Variants in FOXP1 observed in about 807,000 individuals in gnomAD.
The protein encoded by FOXP1 is forkhead box protein P1.
In FOXP1, 15 loss-of-function variants were observed where a neutral mutation model predicts 98.2. The ratio of observed to expected loss-of-function variants is 0.15; its 90% confidence interval spans 0.10 to 0.24. FOXP1 has a LOEUF of 0.24. Ranked by LOEUF, FOXP1 falls within the 10% of genes least tolerant of loss-of-function variation. FOXP1 has a pLI of 1.00. For missense variants in FOXP1, 633 were observed against 848.5 expected, an observed-to-expected ratio of 0.75 and a Z score of 3.15; for synonymous variants, 371 against 314.5, an observed-to-expected ratio of 1.18 and a Z score of -1.90.
chr3:71,240,321 G>C (rs1481348591), intron 5 of FOXP1, among the ~76,000 whole-genome samples: 1 of 152,242 alleles, frequency 6.6e-6, no homozygotes, highest in African/African-American at 2.4e-5. Context: ...TTGAATGGAA[G>C]GGCAGTGTAC....
In FOXP1 at chr3:71,001,127, A is replaced by G. The variant is rs1576029429; in HGVS notation, c.975-68T>C. The G allele has an allele frequency of 7.2e-6, 9 of 1,255,522 alleles. No individual in the cohort carries two copies. The East Asian group carries it at 2.1e-4, about 30-fold the overall frequency. The allele number at this position is 1,255,522 out of a possible 1,614,324, so 77.8% of individuals were successfully genotyped here. A position where few individuals can be genotyped will look rare whatever the true frequency, so the allele number is the denominator to read the frequency against. On this transcript the variant is annotated intron_variant, in intron 12 of 20. Coordinates refer to ENST00000649528, the MANE Select transcript of FOXP1 (RefSeq NM_001349338.3). Reference sequence around the variant, plus strand: ...AAAAAGGAAAATATAAGTTACCAGGATGTTTAAGCATAAACTAGGCAGCGG... The same window carrying G: ...AAAAAGGAAAATATAAGTTACCAGGGTGTTTAAGCATAAACTAGGCAGCGG...
chr3:71,439,229 G>T (rs961362206), intron 3 of FOXP1, among the ~76,000 whole-genome samples: 1 of 152,214 alleles, frequency 6.6e-6, no homozygotes, highest in Non-Finnish European at 1.5e-5. Context: ...CACGAGAGCT[G>T]CTCAGAACCC....
intron 5 of FOXP1, among the ~76,000 whole-genome samples, chr3:71,233,234 GGGAGGGAAGGGGAGA>G (rs1196835391): frequency 6.7e-6 from 1 of 148,526 alleles, no homozygotes; most frequent in Non-Finnish European, 1.5e-5. Context: ...GGCATGGGAG[GGGAGGGAAGGGGAGA>G]GGAGGGAAGG....
At chr3:71,011,684 T>TAA (rs2043661007) in intron 12 of FOXP1, among the ~76,000 whole-genome samples, 1 of 152,144 alleles carries the variant, frequency 6.6e-6, no homozygotes, top group Admixed American at 6.6e-5. Flanking sequence ...GTCTTACAAA[T>TAA]ATAAGTCAAT....
intron 2 of FOXP1, among the ~76,000 whole-genome samples, chr3:71,509,781 T>G (rs2042070233): frequency 6.6e-6 from 1 of 152,152 alleles, no homozygotes; most frequent in Non-Finnish European, 1.5e-5. Context: ...CTCAGGAGGT[T>G]GAGGCAAGAA....
At chr3:71,501,668 A>G (rs2041373766) in intron 2 of FOXP1, among the ~76,000 whole-genome samples, 1 of 152,226 alleles carries the variant, frequency 6.6e-6, no homozygotes, top group South Asian at 2.1e-4. Context: ...AAAAAAATAG[A>G]AAGAATGAAT....
In FOXP1 at chr3:71,560,409, A is replaced by C. The variant is rs916906177; in HGVS notation, c.-298+21140T>G. Among the ~76,000 whole-genome samples, 44 of 152,198 alleles carry C rather than the reference A, an allele frequency of 2.9e-4. 2 individuals carry two copies. Among genetic ancestry groups the C allele is most frequent in the Non-Finnish European group, 2.9e-5 (2 of 68,040 alleles). ...TCAGTTTCCTAATTTCAAAAACAAA[A>C]GTAGTGAGGATGTGGAGACACTGGA... is the stretch of plus-strand genomic sequence containing the variant. On this transcript the variant is annotated intron_variant, in intron 2 of 20. Transcript: ENST00000649528.
chr3:71,069,860 C>T (rs1341656966), intron 7 of FOXP1, among the ~76,000 whole-genome samples: 3 of 152,142 alleles, frequency 2.0e-5, no homozygotes, highest in Admixed American at 6.5e-5. Flanking sequence ...AACTGACCAC[C>T]TTTATTTAGT....
chr3:71,226,796 C>T (rs953874700), intron 5 of FOXP1, among the ~76,000 whole-genome samples: 4 of 152,116 alleles, frequency 2.6e-5, no homozygotes, highest in Admixed American at 6.5e-5. Context: ...ACTCCCCGCA[C>T]GCACTACCTT....
At chr3:70,979,793 A>AT (rs1559628096) in intron 14 of FOXP1, among the ~76,000 whole-genome samples, 2 of 146,394 alleles carry the variant, frequency 1.4e-5, no homozygotes, top group Middle Eastern at 3.5e-3. Context: ...AAAAAAAAAA[A>AT]GGGAGGGGGG....
At chr3:71,127,152 C>T (rs1399404284) in intron 6 of FOXP1, among the ~76,000 whole-genome samples, 2 of 152,080 alleles carry the variant, frequency 1.3e-5, no homozygotes, top group Non-Finnish European at 2.9e-5. Flanking sequence ...TGGCACTTGT[C>T]TAATTTTTAC....
intron 12 of FOXP1, among the ~76,000 whole-genome samples, chr3:71,001,892 T>C (rs1430416511): frequency 2.0e-5 from 3 of 152,254 alleles, no homozygotes; most frequent in Non-Finnish European, 4.4e-5. Context: ...TTACTAGTGA[T>C]ACAGCAGACC....
chr3:71,578,186 A>G (rs2107858025), intron 2 of FOXP1, among the ~76,000 whole-genome samples: 1 of 152,366 alleles, frequency 6.6e-6, no homozygotes, highest in African/African-American at 2.4e-5. Context: ...TTGAAGTTGC[A>G]ATTAAATTGT....
intron 3 of FOXP1, among the ~76,000 whole-genome samples, chr3:71,390,268 G>A (rs1178552195): frequency 6.6e-6 from 1 of 152,124 alleles, no homozygotes; most frequent in African/African-American, 2.4e-5. Context: ...AACAAGCCAA[G>A]GGACTTTTCA....
At chr3:71,532,348 C>T (rs1275178161) in intron 2 of FOXP1, among the ~76,000 whole-genome samples, 10 of 152,160 alleles carry the variant, frequency 6.6e-5, no homozygotes, top group Admixed American at 3.9e-4. Flanking sequence ...CTGCCTACTT[C>T]GGCCTCCCAA....
At chr3:71,519,199 T>C (rs1459368110) in intron 2 of FOXP1, among the ~76,000 whole-genome samples, 2 of 152,178 alleles carry the variant, frequency 1.3e-5, no homozygotes, top group South Asian at 2.1e-4. Flanking sequence ...TGAGCCGAGA[T>C]TGTGCCACTG....
intron 6 of FOXP1, among the ~76,000 whole-genome samples, chr3:71,170,735 T>C (rs1266512045): frequency 6.6e-6 from 1 of 152,220 alleles, no homozygotes; most frequent in Non-Finnish European, 1.5e-5. Flanking sequence ...TCGCATAAGC[T>C]GTTAAGCAGG....
intron 2 of FOXP1, among the ~76,000 whole-genome samples, chr3:71,556,434 G>T (rs1374912362): frequency 6.6e-6 from 1 of 151,946 alleles, no homozygotes; most frequent in African/African-American, 2.4e-5. Flanking sequence ...AAAATTAGCC[G>T]GGCGTGGTGG....
rs150505291 is a variant in FOXP1, at chr3:71,516,153, G to A, written c.-297-22598C>T. Among the ~76,000 whole-genome samples, 584 of 152,222 alleles carry A rather than the reference G, an allele frequency of 3.8e-3. 5 individuals carry two copies. Among genetic ancestry groups the A allele is most frequent in the African/African-American group, 0.013 (547 of 41,530 alleles). Reference sequence around the variant, plus strand: ...GTCTTTTATCAATGCTAAACCTCCCGCTTGATTAATGTACTGCAGTTACGT... The same window carrying A: ...GTCTTTTATCAATGCTAAACCTCCCACTTGATTAATGTACTGCAGTTACGT... On this transcript the variant is annotated intron_variant, in intron 2 of 20. Transcript: ENST00000649528.
Sources: allele counts gnomAD v4.1 joint callset (sites outside exome capture counted in the v4.1 genomes callset), GRCh38; gene constraint gnomAD v4.1.1; transcripts MANE v1.5; gene names NCBI Gene and HGNC (gene_info 2026-07-23, HGNC 2026-07-21).